Variants in ADAMTSL1 observed in about 807,000 individuals in gnomAD.
ADAMTSL1 encodes the protein ADAMTS like 1.
In ADAMTSL1, 126 loss-of-function variants were observed where a neutral mutation model predicts 201.8. That is an observed-to-expected ratio of 0.62 (90% CI 0.54 to 0.72). ADAMTSL1 has a LOEUF of 0.72. Ranked by LOEUF, ADAMTSL1 falls within the 30% of genes least tolerant of loss-of-function variation. The pLI is 0.00. For synonymous variants in ADAMTSL1, 1,121 were observed against 903.4 expected (o/e 1.24, Z -4.32); for missense variants, 2,679 against 2,277.8 (o/e 1.18, Z -3.59).
At chr9:18,711,481 T>A (rs578201524) in intron 14 of ADAMTSL1, among the ~76,000 whole-genome samples, 1 of 152,244 alleles carries the variant, frequency 6.6e-6, no homozygotes, top group Admixed American at 6.5e-5. Flanking sequence ...AAGAAAGGGG[T>A]GACAGACGGC....
intron 2 of ADAMTSL1, among the ~76,000 whole-genome samples, chr9:18,514,185 G>A (rs544803037): frequency 6.6e-6 from 1 of 152,070 alleles, no homozygotes; most frequent in Non-Finnish European, 1.5e-5. Flanking sequence ...TTTTGTGATT[G>A]TCAGTGTTCA....
chr9:18,072,834 G>A (rs1237962082), intron 1 of ADAMTSL1, among the ~76,000 whole-genome samples: 3 of 152,202 alleles, frequency 2.0e-5, no homozygotes, highest in Non-Finnish European at 4.4e-5. Context: ...GAACTGATGT[G>A]TAGAATTAGG....
At chr9:18,391,164 A>G (rs907477445) in intron 2 of ADAMTSL1, among the ~76,000 whole-genome samples, 1 of 152,156 alleles carries the variant, frequency 6.6e-6, no homozygotes, top group African/African-American at 2.4e-5. Flanking sequence ...TGTTGGACCT[A>G]AAACACTGGG....
Position 18,776,936 on chromosome 9 carries a change from AG to A in ADAMTSL1, c.2710del (p.Val904SerfsTer54). On this transcript the variant is annotated frameshift_variant, in exon 19 of 29. Coordinates refer to ENST00000380548, the MANE Select transcript of ADAMTSL1 (RefSeq NM_001040272.6). LOFTEE classifies it high-confidence loss of function. ...TAVVLRCPAR[R>X]VRKPLITWEK... ...GGTGGTGCTGCGCTGCCCGGCGCGC[AG>A]GGTCCGCAAGCCCCTCATCACCTGG... 6.2e-7 allele frequency: 1 copy of A among 1,601,492 alleles called. No individual in the cohort carries two copies.
intron 20 of ADAMTSL1, among the ~76,000 whole-genome samples, chr9:18,802,999 C>G (rs1034846804): frequency 1.3e-5 from 2 of 152,108 alleles, no homozygotes; most frequent in African/African-American, 4.8e-5. Context: ...ATTTACGTGT[C>G]TTCTTTGTTG....
At chr9:18,195,164 G>A (rs1829125086) in intron 2 of ADAMTSL1, among the ~76,000 whole-genome samples, 2 of 152,122 alleles carry the variant, frequency 1.3e-5, no homozygotes, top group Admixed American at 1.3e-4. Context: ...AGGGGTCACA[G>A]CCACCAGTGT....
chr9:18,673,779 A>G (rs946003552), intron 9 of ADAMTSL1, among the ~76,000 whole-genome samples: 4 of 152,214 alleles, frequency 2.6e-5, no homozygotes, highest in African/African-American at 7.2e-5. Flanking sequence ...TTGATGTAGC[A>G]TGAATAAAGA....
At chr9:18,594,021 C>T (rs1824095329) in intron 4 of ADAMTSL1, among the ~76,000 whole-genome samples, 4 of 151,938 alleles carry the variant, frequency 2.6e-5, no homozygotes, top group African/African-American at 9.7e-5. Context: ...TAAATTCCCT[C>T]TGTGTTTTTT....
intron 2 of ADAMTSL1, among the ~76,000 whole-genome samples, chr9:18,313,932 T>C (rs1190855911): frequency 6.6e-6 from 1 of 152,162 alleles, no homozygotes; most frequent in Non-Finnish European, 1.5e-5. Flanking sequence ...ACCATATATC[T>C]GATAAGGGGT....
At chr9:18,395,164 C>G (rs959174608) in intron 2 of ADAMTSL1, among the ~76,000 whole-genome samples, 1 of 152,148 alleles carries the variant, frequency 6.6e-6, no homozygotes, top group Non-Finnish European at 1.5e-5. Flanking sequence ...AGTATTATGT[C>G]GGATCTCCAG....
At chr9:18,768,010 C>T (rs1386064427) in intron 16 of ADAMTSL1, among the ~76,000 whole-genome samples, 1 of 152,190 alleles carries the variant, frequency 6.6e-6, no homozygotes, top group Non-Finnish European at 1.5e-5. Flanking sequence ...TTAAATGTTG[C>T]CTCTCAGAAA....
chr9:18,345,734 A>G (rs1304168558), intron 2 of ADAMTSL1, among the ~76,000 whole-genome samples: 3 of 152,150 alleles, frequency 2.0e-5, no homozygotes, highest in Non-Finnish European at 4.4e-5. Context: ...GGGAATGAAC[A>G]TGCATCTCAG....
chr9:18,077,206 G>C (rs1025852539), intron 1 of ADAMTSL1, among the ~76,000 whole-genome samples: 2 of 152,138 alleles, frequency 1.3e-5, no homozygotes, highest in African/African-American at 4.8e-5. Context: ...GAATTTCCCA[G>C]GAGAAATTTG....
intron 2 of ADAMTSL1, among the ~76,000 whole-genome samples, chr9:18,462,512 C>T (rs530989144): frequency 2.7e-4 from 41 of 152,158 alleles, no homozygotes; most frequent in African/African-American, 9.4e-4. Flanking sequence ...ATAACTATGA[C>T]CTTTGATAAG....
intron 23 of ADAMTSL1, among the ~76,000 whole-genome samples, chr9:18,860,745 T>A (rs1827163012): frequency 6.6e-6 from 1 of 152,138 alleles, no homozygotes; most frequent in African/African-American, 2.4e-5. Flanking sequence ...GTTTTCCTTC[T>A]CTATATTCTA....
chr9:18,878,687 G>C (rs1024118703), intron 23 of ADAMTSL1, among the ~76,000 whole-genome samples: 2 of 152,178 alleles, frequency 1.3e-5, no homozygotes, highest in African/African-American at 4.8e-5. Flanking sequence ...AAGGGTCTGC[G>C]GATTCTCTGG....
intron 1 of ADAMTSL1, among the ~76,000 whole-genome samples, chr9:17,984,775 T>G (rs970548920): frequency 6.6e-6 from 1 of 152,182 alleles, no homozygotes; most frequent in Non-Finnish European, 1.5e-5. Context: ...GACCTTTTCC[T>G]TCTTTTTAAA....
chr9:18,845,294 G>A (rs1314057147), intron 23 of ADAMTSL1, among the ~76,000 whole-genome samples: 1 of 152,240 alleles, frequency 6.6e-6, no homozygotes, highest in Non-Finnish European at 1.5e-5. Flanking sequence ...AAAGCAAACA[G>A]CACCAGCCTT....
At chr9:18,098,753 T>G (rs924449130) in intron 1 of ADAMTSL1, among the ~76,000 whole-genome samples, 14 of 152,238 alleles carry the variant, frequency 9.2e-5, no homozygotes, top group Non-Finnish European at 2.1e-4. Context: ...CTCTCTACTC[T>G]CTGGTGTCCT....
Sources: allele counts gnomAD v4.1 joint callset (sites outside exome capture counted in the v4.1 genomes callset), GRCh38; gene constraint gnomAD v4.1.1; transcripts MANE v1.5; gene names NCBI Gene and HGNC (gene_info 2026-07-23, HGNC 2026-07-21).